CSMD1: variants seen among roughly 807,000 people sequenced by gnomAD.
The protein encoded by CSMD1 is CUB and Sushi multiple domains 1.
In CSMD1, 213 loss-of-function variants were observed where a neutral mutation model predicts 417.5. That is an observed-to-expected ratio of 0.51 (90% confidence interval 0.46 to 0.57). The LOEUF is 0.57. Among genes scored for constraint, CSMD1 ranks in the 20% least tolerant of loss-of-function variants. The pLI is 0.00. For synonymous variants in CSMD1, 2,862 were observed against 1,736.8 expected, an observed-to-expected ratio of 1.65 and a Z score of -16.11; for missense variants, 6,923 against 4,529.7, an observed-to-expected ratio of 1.53 and a Z score of -15.17.
intron 46 of CSMD1, among the ~76,000 whole-genome samples, chr8:3,101,484 AC>A (rs2129012708): frequency 6.6e-6 from 1 of 151,950 alleles, no homozygotes; most frequent in East Asian, 2.0e-4. Context: ...GTGCAATGAC[AC>A]GATCTCAGCT....
chr8:2,982,060 G>A (rs963105734), intron 54 of CSMD1, among the ~76,000 whole-genome samples: 10 of 151,998 alleles, frequency 6.6e-5, no homozygotes, highest in Admixed American at 5.2e-4. Flanking sequence ...GTTGACATAC[G>A]AATATGGGTA....
chr8:3,175,736 G>A (rs536579279), intron 37 of CSMD1, among the ~76,000 whole-genome samples: 2 of 152,220 alleles, frequency 1.3e-5, no homozygotes, highest in East Asian at 3.9e-4. Context: ...CTACTGCTGG[G>A]CTACTATGTA....
At chr8:3,133,341 G>A (rs764668762) in intron 41 of CSMD1, among the ~76,000 whole-genome samples, 37 of 152,158 alleles carry the variant, frequency 2.4e-4, no homozygotes, top group Non-Finnish European at 4.3e-4. Flanking sequence ...CGGGGATGCC[G>A]GCTGACCTGA....
intron 2 of CSMD1, among the ~76,000 whole-genome samples, chr8:4,421,777 G>GA (rs950709718): frequency 6.1e-5 from 9 of 148,082 alleles, no homozygotes; most frequent in African/African-American, 1.2e-4. Context: ...AACTATAAAA[G>GA]AAAAAAACAA....
intron 1 of CSMD1, among the ~76,000 whole-genome samples, chr8:4,733,829 A>T (rs1193466243): frequency 6.6e-6 from 1 of 152,212 alleles, no homozygotes; most frequent in South Asian, 2.1e-4. Context: ...GCCTTATTTT[A>T]TTATCACTGA....
At chr8:4,295,254 TTTTC>T (rs1307732223) in intron 3 of CSMD1, among the ~76,000 whole-genome samples, 12 of 118,876 alleles carry the variant, frequency 1.0e-4, no homozygotes, top group African/African-American at 3.5e-4. Flanking sequence ...AATCTTAAGA[TTTTC>T]TATATAATCT....
chr8:3,267,689 G>A (rs1000470691), intron 26 of CSMD1, among the ~76,000 whole-genome samples: 1 of 152,216 alleles, frequency 6.6e-6, no homozygotes, highest in Non-Finnish European at 1.5e-5. Flanking sequence ...AGAAGCAGCA[G>A]TATAGAGTAA....
At chr8:4,242,816 C>T (rs1802479967) in intron 3 of CSMD1, among the ~76,000 whole-genome samples, 1 of 152,100 alleles carries the variant, frequency 6.6e-6, no homozygotes, top group African/African-American at 2.4e-5. Context: ...CCTTCATTCA[C>T]CAACGACATG....
intron 2 of CSMD1, among the ~76,000 whole-genome samples, chr8:4,555,406 G>A (rs1055912970): frequency 1.3e-5 from 2 of 152,128 alleles, no homozygotes; most frequent in African/African-American, 2.4e-5. Flanking sequence ...CCTCTCCAGC[G>A]CAGGTGCATG....
At chr8:4,300,138 C>T (rs766449899) in intron 3 of CSMD1, among the ~76,000 whole-genome samples, 1 of 152,160 alleles carries the variant, frequency 6.6e-6, no homozygotes. Flanking sequence ...CTTTTGACTG[C>T]ATAGTTATCT....
At chr8:4,413,341 T>C (rs767054302) in intron 3 of CSMD1, among the ~76,000 whole-genome samples, 4 of 152,082 alleles carry the variant, frequency 2.6e-5, no homozygotes, top group Non-Finnish European at 5.9e-5. Context: ...CCCAAACCAA[T>C]TCTATCATTC....
At chr8:4,346,760 T>A (rs1039222733) in intron 3 of CSMD1, among the ~76,000 whole-genome samples, 4 of 152,202 alleles carry the variant, frequency 2.6e-5, no homozygotes, top group Non-Finnish European at 4.4e-5. Context: ...AGAATTCTTA[T>A]CAAAATTCAA....
intron 1 of CSMD1, among the ~76,000 whole-genome samples, chr8:4,749,165 G>C (rs141764387): frequency 6.6e-6 from 1 of 152,144 alleles, no homozygotes; most frequent in South Asian, 2.1e-4. Flanking sequence ...TCACAGAAAA[G>C]AAAATCTATT....
At chr8:3,895,779 G>C (rs373741803) in intron 5 of CSMD1, among the ~76,000 whole-genome samples, 7 of 151,872 alleles carry the variant, frequency 4.6e-5, no homozygotes, top group Admixed American at 3.3e-4. Flanking sequence ...TATTTCCTAC[G>C]GTCATAACTC....
rs578222066 is a variant in CSMD1, at chr8:3,100,647, T to C, written c.6950-3610A>G. On this transcript the variant is annotated intron_variant, in intron 46 of 69. Coordinates refer to ENST00000635120, the MANE Select transcript of CSMD1 (RefSeq NM_033225.6). ...CAGACATCACCTGCGCCTCGAGTTATGATCCTTCTGCACAATGTTAGTGCC... is the reference window on the plus strand; with the variant it reads ...CAGACATCACCTGCGCCTCGAGTTACGATCCTTCTGCACAATGTTAGTGCC... Among the ~76,000 whole-genome samples, 4 of 152,334 alleles carry C rather than the reference T, an allele frequency of 2.6e-5. No individual in the cohort carries two copies. In the East Asian group the frequency reaches 5.8e-4, roughly 22 times the overall value.
chr8:4,277,181 A>G (rs1796534235), intron 3 of CSMD1, among the ~76,000 whole-genome samples: 1 of 146,942 alleles, frequency 6.8e-6, no homozygotes, highest in Non-Finnish European at 1.5e-5. Flanking sequence ...ACATATTTAT[A>G]TGTCATCTAC....
intron 3 of CSMD1, among the ~76,000 whole-genome samples, chr8:4,169,757 A>G (rs1035229092): frequency 1.3e-5 from 2 of 152,094 alleles, no homozygotes; most frequent in African/African-American, 2.4e-5. Flanking sequence ...CCCCTTGAGG[A>G]CTATTCATGG....
At chr8:3,746,089 A>G (rs959110935) in intron 6 of CSMD1, among the ~76,000 whole-genome samples, 11 of 152,312 alleles carry the variant, frequency 7.2e-5, no homozygotes, top group African/African-American at 1.7e-4. Context: ...GCAAATAAAC[A>G]TGAAACATTG....
chr8:3,125,527 T>C (rs1026999071), intron 41 of CSMD1, among the ~76,000 whole-genome samples: 1 of 152,154 alleles, frequency 6.6e-6, no homozygotes, highest in Non-Finnish European at 1.5e-5. Context: ...AGTTACCTTC[T>C]AGGGTAAAGG....
Sources: gnomAD v4.1 joint callset for allele counts (sites outside exome capture counted in the v4.1 genomes callset) on GRCh38, gnomAD v4.1.1 for gene constraint, MANE v1.5 for transcripts, NCBI Gene and HGNC (gene_info 2026-07-23, HGNC 2026-07-21) for gene names.